ORM2: variants seen among roughly 807,000 people sequenced by gnomAD.
ORM2 encodes the protein alpha-1-acid glycoprotein 2.
A neutral mutation model predicts 26.8 loss-of-function variants in ORM2; 19 were observed. The ratio of observed to expected loss-of-function variants is 0.71; its 90% CI spans 0.49 to 1.04. The LOEUF (loss-of-function observed/expected upper bound fraction) is 1.04, where lower values mean the gene tolerates loss of function less well. ORM2 is among the 50% of genes least tolerant of loss of function. ORM2 has a pLI of 0.00. For missense variants in ORM2, 259 were observed against 244.9 expected (o/e 1.06, Z -0.39); for synonymous variants, 94 against 100.0 (o/e 0.94, Z 0.36).
At chr9:114,332,319 T>C (rs1006408131) in intron 5 of ORM2, among the ~76,000 whole-genome samples, 2 of 152,172 alleles carry the variant, frequency 1.3e-5, no homozygotes, top group African/African-American at 2.4e-5. Flanking sequence ...GAATTGATAC[T>C]GTGGTTTTCA....
chr9:114,332,214 G>A (rs1339677084), intron 5 of ORM2, among the ~76,000 whole-genome samples: 2 of 151,900 alleles, frequency 1.3e-5, no homozygotes, highest in Non-Finnish European at 2.9e-5. Flanking sequence ...TGGAGGGGAC[G>A]TAATGCGGGG....
intron 3 of ORM2, among the ~76,000 whole-genome samples, chr9:114,331,330 G>C (rs1160718700): frequency 6.6e-6 from 1 of 152,050 alleles, no homozygotes; most frequent in Non-Finnish European, 1.5e-5. Flanking sequence ...TCTGTAAAAC[G>C]GGGAGAAAGG....
chr9:114,331,315 C>A (rs1481478189), intron 3 of ORM2, among the ~76,000 whole-genome samples: 2 of 152,094 alleles, frequency 1.3e-5, no homozygotes, highest in Non-Finnish European at 2.9e-5. Context: ...GCCTCATTTT[C>A]CTCCTCTGTA....
In ORM2 at chr9:114,331,605, AG is replaced by A; in HGVS notation, c.370del (p.Asp124ThrfsTer5). On this transcript the variant is annotated frameshift_variant, in exon 4 of 6. Coordinates refer to ENST00000431067, the MANE Select transcript of ORM2 (RefSeq NM_000608.4). LOFTEE classifies it high-confidence loss of function. ...ACATGTTGCTCACCTGCTGTTCCTT[AG>A]GGACACCAAGACCTTGATGTTTGGT... ...REHVAHLLFL[R>X]DTKTLMFGSY... 1.2e-6 allele frequency: 2 copies of A among 1,613,922 alleles called. No homozygotes were observed. Among genetic ancestry groups the A allele is most frequent in the Non-Finnish European group, 1.7e-6 (2 of 1,179,982 alleles).
chr9:114,330,265 T>TG, intron 1 of ORM2, 169 bp from the exon 2 acceptor site: 2 of 786,744 alleles, frequency 2.5e-6, no homozygotes. Flanking sequence ...AGGGGCTGCC[T>TG]GGGGGGCAAT....
chr9:114,332,038 T>G, intron 5 of ORM2, 109 bp downstream of exon 5: 1 of 878,898 alleles, frequency 1.1e-6, no homozygotes, highest in Non-Finnish European at 1.8e-6. Context: ...GCTAGGCAGA[T>G]CTTCTGCTTT....
intron 5 of ORM2, among the ~76,000 whole-genome samples, chr9:114,332,673 C>A (rs1030103839): frequency 6.6e-6 from 1 of 152,122 alleles, no homozygotes; most frequent in South Asian, 2.1e-4. Context: ...AGTCAGCTCA[C>A]TTGATCCACA....
chr9:114,330,934 T>G, intron 3 of ORM2, 72 bp downstream of exon 3: 1 of 1,265,476 alleles, frequency 7.9e-7, no homozygotes, highest in Middle Eastern at 2.0e-4. Context: ...GGGGGCTGGA[T>G]GTAGAGCCCT....
At position 114,331,573 on chromosome 9, in the gene ORM2, G is replaced by C; in HGVS notation, c.335G>C (p.Gly112Ala). 6.2e-7 allele frequency: 1 copy of C among 1,613,564 alleles called. No homozygotes were observed. Among genetic ancestry groups the C allele is most frequent in the Non-Finnish European group, 8.5e-7 (1 of 1,179,678 alleles). ...GGCTCTTTTTCTCTTCCAGAGGGAGGCCGAGAACATGTTGCTCACCTGCTG... is the reference window on the plus strand; with the variant it reads ...GGCTCTTTTTCTCTTCCAGAGGGAGCCCGAGAACATGTTGCTCACCTGCTG... ...ENGTVSRYEGGREHVAHLLFL... is the reference protein window; with the variant it reads ...ENGTVSRYEGAREHVAHLLFL... The change falls in exon 4 of 6, where the codon GGC (glycine) becomes GCC (alanine). Residue 112 changes from glycine to alanine, a missense_variant. By Grantham distance (60) the Gly-to-Ala change is moderately conservative. Coordinates refer to ENST00000431067, the MANE Select transcript of ORM2 (RefSeq NM_000608.4).
rs1166875233 is a variant in ORM2, at chr9:114,331,921, T to C, written c.532T>C (p.Trp178Arg). Residue 178 changes from tryptophan to arginine, a missense_variant, in exon 5 of 6, where the codon TGG becomes CGG. Physicochemically the swap from Trp to Arg is moderately radical, Grantham distance 101. Transcript: ENST00000431067. ...IPRSDVMYTD[W>R]KKDKCEPLEK... The stretch of plus-strand genomic sequence containing the variant: ...CAGGTCAGATGTCATGTACACCGAC[T>C]GGAAAAAGGTAAACGCAAGGGATTG... The C allele has an allele frequency of 1.1e-5, 18 of 1,613,432 alleles. No homozygotes were observed. Among genetic ancestry groups the C allele is most frequent in the Non-Finnish European group, 1.5e-5 (18 of 1,179,794 alleles).
Sources: gnomAD v4.1 joint callset for allele counts (sites outside exome capture counted in the v4.1 genomes callset) on GRCh38, gnomAD v4.1.1 for gene constraint, MANE v1.5 for transcripts, NCBI Gene and HGNC (gene_info 2026-07-23, HGNC 2026-07-21) for gene names.